ASIC2: variants seen among roughly 807,000 people sequenced by gnomAD.
ASIC2 encodes acid sensing ion channel subunit 2.
A neutral mutation model predicts 57.3 loss-of-function variants in ASIC2; 25 were observed. The ratio of observed to expected loss-of-function variants is 0.44; its 90% confidence interval spans 0.32 to 0.61. ASIC2 has a LOEUF of 0.61. Among genes scored for constraint, ASIC2 ranks in the 20% least tolerant of loss-of-function variants. The pLI, the probability that ASIC2 is intolerant of heterozygous loss-of-function variation, is 0.06. For synonymous variants in ASIC2, 319 were observed against 307.5 expected (o/e 1.04, Z -0.39); for missense variants, 641 against 738.1 (o/e 0.87, Z 1.52).
In ASIC2 at chr17:33,778,266, A is replaced by C. The variant is rs933850938; in HGVS notation, c.555+377712T>G. Among the ~76,000 whole-genome samples, 4 of 152,158 alleles carry C rather than the reference A, an allele frequency of 2.6e-5. No individual in the cohort carries two copies. In the East Asian group the frequency reaches 5.8e-4, roughly 22 times the overall value. On this transcript the variant is annotated intron_variant, in intron 1 of 9. Transcript: ENST00000359872. ...CAAAACTAGAAGCATGAGTGTAAAA[A>C]AGAAAAATATGGATGCTGAACACAC...
chr17:34,105,841 A>C (rs1213009644), intron 1 of ASIC2, among the ~76,000 whole-genome samples: 1 of 152,050 alleles, frequency 6.6e-6, no homozygotes, highest in African/African-American at 2.4e-5. Context: ...TAAATAATTC[A>C]ATGTGTTTCC....
intron 1 of ASIC2, among the ~76,000 whole-genome samples, chr17:33,865,722 C>T (rs1272174146): frequency 2.2e-5 from 3 of 134,186 alleles, no homozygotes; most frequent in East Asian, 2.2e-4. Flanking sequence ...ACAATGTGCA[C>T]ATGTACCCTA....
intron 1 of ASIC2, among the ~76,000 whole-genome samples, chr17:33,483,500 G>A (rs1264370817): frequency 3.3e-5 from 5 of 152,248 alleles, no homozygotes; most frequent in Non-Finnish European, 5.9e-5. Context: ...TGCACTGGCA[G>A]GTGGAGCGAG....
chr17:33,691,372 A>G (rs1212622337), intron 1 of ASIC2, among the ~76,000 whole-genome samples: 1 of 152,126 alleles, frequency 6.6e-6, no homozygotes, highest in Non-Finnish European at 1.5e-5. Flanking sequence ...TATTTCCCCC[A>G]CACTCCAATC....
intron 1 of ASIC2, among the ~76,000 whole-genome samples, chr17:33,632,414 C>G (rs955767630): frequency 6.6e-6 from 1 of 152,090 alleles, no homozygotes; most frequent in African/African-American, 2.4e-5. Context: ...TATGGAAGCC[C>G]TGCATGCCCC....
At chr17:33,897,877 G>C (rs1915133727) in intron 1 of ASIC2, among the ~76,000 whole-genome samples, 1 of 152,138 alleles carries the variant, frequency 6.6e-6, no homozygotes, top group African/African-American at 2.4e-5. Context: ...TAAAAAGTTG[G>C]AAGTGGATTT....
At chr17:33,367,476 G>A (rs1370558027) in intron 1 of ASIC2, among the ~76,000 whole-genome samples, 1 of 152,216 alleles carries the variant, frequency 6.6e-6, no homozygotes, top group African/African-American at 2.4e-5. Context: ...ATGCTCCACA[G>A]CTAAGACAAG....
chr17:33,856,080 T>C (rs748861183), intron 1 of ASIC2, among the ~76,000 whole-genome samples: 7 of 152,130 alleles, frequency 4.6e-5, no homozygotes, highest in Non-Finnish European at 8.8e-5. Context: ...ACTATATGCA[T>C]TACATTATGA....
In ASIC2 at chr17:33,956,836, C is replaced by A. The variant is rs953538041; in HGVS notation, c.555+199142G>T. Among the ~76,000 whole-genome samples the A allele has an allele frequency of 2.6e-5, 4 of 152,210 alleles. No homozygotes were observed. In the East Asian group the frequency reaches 7.7e-4, roughly 29 times the overall value. Reference sequence around the variant, plus strand: ...TGACCTGGTCCCCAGCTAGATGAGCCTGCTCCTTTTGGTTCTGATGGCATA... The same window carrying A: ...TGACCTGGTCCCCAGCTAGATGAGCATGCTCCTTTTGGTTCTGATGGCATA... On this transcript the variant is annotated intron_variant, in intron 1 of 9. Transcript: ENST00000359872.
intron 1 of ASIC2, among the ~76,000 whole-genome samples, chr17:33,381,554 G>A (rs970518505): frequency 8.6e-5 from 13 of 151,568 alleles, no homozygotes; most frequent in Non-Finnish European, 1.5e-4. Flanking sequence ...CAACTCTGCT[G>A]CCAGCAGTAT....
chr17:33,623,203 T>C (rs1317489247), intron 1 of ASIC2, among the ~76,000 whole-genome samples: 1 of 151,928 alleles, frequency 6.6e-6, no homozygotes, highest in Non-Finnish European at 1.5e-5. Context: ...ATTCCAACTC[T>C]ATCTGCTCAT....
At chr17:33,382,509 A>C (rs1466571971) in intron 1 of ASIC2, among the ~76,000 whole-genome samples, 26 of 152,324 alleles carry the variant, frequency 1.7e-4, no homozygotes. Flanking sequence ...TGATGGATCC[A>C]TGAAGCTTCA....
At position 33,940,548 on chromosome 17, in the gene ASIC2, TTTCCTTCC is replaced by T. The variant is rs919387904; in HGVS notation, c.555+215422_555+215429del. On this transcript the variant is annotated intron_variant, in intron 1 of 9. Transcript: ENST00000359872. ...CATCCATCCCTTCCTTCCTTCCTTC[TTTCCTTCC>T]TTCCTTCCTTCCTTACACATTAAAT... Among the ~76,000 whole-genome samples, 198 of 151,986 alleles carry T rather than the reference TTTCCTTCC, an allele frequency of 1.3e-3. 1 individual carries two copies. Among genetic ancestry groups the T allele is most frequent in the African/African-American group, 4.3e-3 (178 of 41,452 alleles).
intron 1 of ASIC2, among the ~76,000 whole-genome samples, chr17:34,142,266 C>T (rs1334535996): frequency 1.5e-4 from 23 of 152,098 alleles, no homozygotes; most frequent in Admixed American, 1.4e-3. Flanking sequence ...AAGAGAGGCC[C>T]CTCAACTGCT....
In ASIC2 at chr17:34,087,081, T is replaced by A. The variant is rs188805590; in HGVS notation, c.555+68897A>T. On this transcript the variant is annotated intron_variant, in intron 1 of 9. Coordinates refer to the ASIC2 transcript ENST00000359872. ...TTCTGTGTGAATTTGATCCTGTCAT[T>A]ATGATGTTAGCTGGTTATTTTGCTT... 6.9e-3 allele frequency among the ~76,000 whole-genome samples: 1,046 copies of A among 152,290 alleles called. 16 individuals are homozygous for A. Among genetic ancestry groups the A allele is most frequent in the African/African-American group, 0.024 (979 of 41,544 alleles).
intron 1 of ASIC2, among the ~76,000 whole-genome samples, chr17:33,807,018 C>T (rs1047576352): frequency 6.6e-6 from 1 of 152,204 alleles, no homozygotes; most frequent in Non-Finnish European, 1.5e-5. Context: ...GCCTTGCCCA[C>T]ACATCTGCTT....
intron 1 of ASIC2, among the ~76,000 whole-genome samples, chr17:33,719,076 C>T (rs1909307468): frequency 6.6e-6 from 1 of 152,122 alleles, no homozygotes; most frequent in African/African-American, 2.4e-5. Flanking sequence ...TAGGCTGAGT[C>T]CACCAATGGG....
intron 2 of ASIC2, among the ~76,000 whole-genome samples, chr17:33,098,901 T>C (rs1013112504): frequency 4.0e-5 from 6 of 151,230 alleles, no homozygotes; most frequent in African/African-American, 1.5e-4. Context: ...TTACAGTATA[T>C]ATATATATGT....
intron 1 of ASIC2, among the ~76,000 whole-genome samples, chr17:33,300,424 A>G (rs528296628): frequency 2.2e-4 from 33 of 152,264 alleles, no homozygotes; most frequent in Middle Eastern, 3.4e-3. Flanking sequence ...TCCCATCCAA[A>G]AAGGACAGCA....
Sources: allele counts gnomAD v4.1 joint callset (sites outside exome capture counted in the v4.1 genomes callset), GRCh38; gene constraint gnomAD v4.1.1; transcripts MANE v1.5; gene names NCBI Gene and HGNC (gene_info 2026-07-23, HGNC 2026-07-21).